The following PTPRM variants were observed in gnomAD, a reference collection of about 807,000 sequenced individuals.
PTPRM encodes protein tyrosine phosphatase receptor type M.
In PTPRM, 47 loss-of-function variants were observed where a neutral mutation model predicts 186.7. The ratio of observed to expected loss-of-function variants is 0.25; its 90% CI spans 0.20 to 0.32. The LOEUF (loss-of-function observed/expected upper bound fraction) is 0.32, where lower values mean the gene tolerates loss of function less well. PTPRM is among the 10% of genes least tolerant of loss of function. PTPRM has a pLI of 1.00. For synonymous variants in PTPRM, 668 were observed against 674.9 expected (o/e 0.99, Z 0.16); for missense variants, 1,494 against 1,865.0 (o/e 0.80, Z 3.66).
chr18:8,350,819 C>T (rs2095530476), intron 23 of PTPRM, among the ~76,000 whole-genome samples: 1 of 152,180 alleles, frequency 6.6e-6, no homozygotes, highest in African/African-American at 2.4e-5. Context: ...TTGCCATTTG[C>T]CACACACGCC....
intron 14 of PTPRM, among the ~76,000 whole-genome samples, chr18:8,195,357 A>C (rs2093763300): frequency 6.6e-6 from 1 of 151,992 alleles, no homozygotes. Context: ...GGATGTGTGG[A>C]TTGACTCAGC....
At position 8,314,771 on chromosome 18, in the gene PTPRM, T is replaced by G; in HGVS notation, c.2843-10T>G. The G allele has an allele frequency of 6.8e-6, 11 of 1,609,500 alleles. No individual in the cohort carries two copies. Among genetic ancestry groups the G allele is most frequent in the Non-Finnish European group, 9.3e-6 (11 of 1,177,012 alleles). ...GTTAATCGTTATTTTCTGTCCCTTT[T>G]CCTTTGCAGACGATCATTCCCGAGT... On this transcript the variant is annotated splice_polypyrimidine_tract_variant and intron_variant, in intron 20 of 32. Transcript: ENST00000580170.
At chr18:8,209,259 A>G (rs1434567996) in intron 14 of PTPRM, among the ~76,000 whole-genome samples, 2 of 152,166 alleles carry the variant, frequency 1.3e-5, no homozygotes, top group Admixed American at 6.5e-5. Flanking sequence ...ACACAAGCGA[A>G]GAGACTGCAC....
rs1038001373 is a variant in PTPRM at position 8,406,402 on chromosome 18, C to T, written c.*240C>T. On this transcript the variant is annotated 3_prime_UTR_variant, in exon 33 of 33. Transcript: ENST00000580170. The stretch of plus-strand genomic sequence containing the variant: ...TGCCAAATCCCGTACTCCTTGCCAC[C>T]GGCTTCCTAGAGCAGCGTAGACAGC... 9 of 516,632 alleles carry T rather than the reference C, an allele frequency of 1.7e-5. No individual in the cohort carries two copies. The highest frequency in any genetic ancestry group is 9.7e-5 in the African/African-American group (5 of 51,756). 32.0% of individuals were successfully genotyped at this position (516,632 alleles called of 1,614,324 possible).
intron 2 of PTPRM, among the ~76,000 whole-genome samples, chr18:7,791,114 A>AT (rs2145206545): frequency 6.6e-6 from 1 of 152,268 alleles, no homozygotes; most frequent in African/African-American, 2.4e-5. Flanking sequence ...CATGTAAGAC[A>AT]TTTTTACTTA....
chr18:7,771,731 C>T (rs931828899), intron 1 of PTPRM, among the ~76,000 whole-genome samples: 14 of 152,158 alleles, frequency 9.2e-5, no homozygotes, highest in Admixed American at 3.9e-4. Flanking sequence ...TGATGCTATC[C>T]TGTTTAACAT....
At chr18:8,118,995 C>T (rs1034886635) in intron 13 of PTPRM, among the ~76,000 whole-genome samples, 1 of 151,572 alleles carries the variant, frequency 6.6e-6, no homozygotes, top group Non-Finnish European at 1.5e-5. Context: ...TTCACGTAAA[C>T]ACATGCTGAA....
At chr18:8,211,474 G>A (rs1398184969) in intron 14 of PTPRM, among the ~76,000 whole-genome samples, 5 of 148,232 alleles carry the variant, frequency 3.4e-5, no homozygotes, top group African/African-American at 1.2e-4. Context: ...TGTGATCTCG[G>A]CTCACTGCAA....
intron 13 of PTPRM, among the ~76,000 whole-genome samples, chr18:8,138,004 A>G (rs1395753423): frequency 6.6e-6 from 1 of 152,164 alleles, no homozygotes; most frequent in African/African-American, 2.4e-5. Flanking sequence ...AAAACGTACT[A>G]AATAAGGGGC....
intron 2 of PTPRM, among the ~76,000 whole-genome samples, chr18:7,817,003 C>T (rs1218644928): frequency 7.8e-6 from 1 of 128,638 alleles, no homozygotes; most frequent in Non-Finnish European, 1.6e-5. Context: ...GAGATGGGGT[C>T]TCACTCTGGC....
At chr18:7,744,461 G>T (rs1365119442) in intron 1 of PTPRM, among the ~76,000 whole-genome samples, 1 of 152,118 alleles carries the variant, frequency 6.6e-6, no homozygotes, top group Non-Finnish European at 1.5e-5. Context: ...GTAAAATACT[G>T]CAACCTACCC....
intron 1 of PTPRM, among the ~76,000 whole-genome samples, chr18:7,686,712 C>A (rs888899735): frequency 6.6e-6 from 1 of 152,034 alleles, no homozygotes; most frequent in East Asian, 1.9e-4. Flanking sequence ...ATGATAATGG[C>A]TTTTAAAATG....
chr18:7,663,544 A>G (rs991117074), intron 1 of PTPRM, among the ~76,000 whole-genome samples: 8 of 152,162 alleles, frequency 5.3e-5, no homozygotes, highest in African/African-American at 1.9e-4. Flanking sequence ...TATAGCAGCC[A>G]TTTCCGTTGC....
At chr18:8,129,046 A>G (rs1252916937) in intron 13 of PTPRM, among the ~76,000 whole-genome samples, 1 of 152,168 alleles carries the variant, frequency 6.6e-6, no homozygotes. Context: ...TATTACGCAT[A>G]TCCAAAAAGA....
At chr18:7,683,226 T>A (rs2039520303) in intron 1 of PTPRM, among the ~76,000 whole-genome samples, 1 of 148,514 alleles carries the variant, frequency 6.7e-6, no homozygotes. Context: ...AGTACAGTGG[T>A]GCAATCATGC....
chr18:7,973,370 G>C (rs550185468), intron 7 of PTPRM, among the ~76,000 whole-genome samples: 3 of 152,136 alleles, frequency 2.0e-5, no homozygotes, highest in African/African-American at 4.8e-5. Context: ...ACAATGTCAG[G>C]GTCCTCAAAT....
chr18:7,830,452 A>G (rs757907613), intron 2 of PTPRM, among the ~76,000 whole-genome samples: 9 of 152,238 alleles, frequency 5.9e-5, no homozygotes, highest in Admixed American at 4.6e-4. Context: ...CACAAAATGT[A>G]CTTGCACAAA....
At chr18:8,196,630 G>A (rs1050872408) in intron 14 of PTPRM, among the ~76,000 whole-genome samples, 3 of 152,158 alleles carry the variant, frequency 2.0e-5, no homozygotes, top group Non-Finnish European at 2.9e-5. Flanking sequence ...AATTCAACAC[G>A]AAGTCAGTTA....
At chr18:8,077,050 A>G (rs1431974649) in intron 9 of PTPRM, among the ~76,000 whole-genome samples, 1 of 152,150 alleles carries the variant, frequency 6.6e-6, no homozygotes, top group Admixed American at 6.5e-5. Flanking sequence ...GACTTCTGTG[A>G]CATAGTTTTG....
Sources: gnomAD v4.1 joint callset for allele counts (sites outside exome capture counted in the v4.1 genomes callset) on GRCh38, gnomAD v4.1.1 for gene constraint, MANE v1.5 for transcripts, NCBI Gene and HGNC (gene_info 2026-07-23, HGNC 2026-07-21) for gene names.